Variants in ARL15 observed in about 807,000 individuals in gnomAD.
ARL15 encodes the protein ADP-ribosylation factor-like protein 15.
ARL15 carries 19 observed loss-of-function variants against 25.2 expected under a neutral mutation model. That is an observed-to-expected ratio of 0.75 (90% CI 0.53 to 1.10). The LOEUF (loss-of-function observed/expected upper bound fraction) is 1.10. Among genes scored for constraint, ARL15 ranks in the 50% least tolerant of loss-of-function variants. The pLI is 0.00. For synonymous variants in ARL15, 94 were observed against 86.8 expected, an observed-to-expected ratio of 1.08 and a Z score of -0.46; for missense variants, 220 against 246.0, an observed-to-expected ratio of 0.89 and a Z score of 0.71.
intron 1 of ARL15, among the ~76,000 whole-genome samples, chr5:54,236,586 A>G (rs572227921): frequency 6.6e-6 from 1 of 152,318 alleles, no homozygotes; most frequent in South Asian, 2.1e-4. Context: ...CTTCAAGTCA[A>G]CAACTTAGGT....
chr5:53,966,543 C>A (rs1353613660), intron 4 of ARL15, among the ~76,000 whole-genome samples: 2 of 152,164 alleles, frequency 1.3e-5, no homozygotes, highest in Non-Finnish European at 2.9e-5. Flanking sequence ...AACTGGTGTG[C>A]TGTTGGGACA....
At chr5:54,079,425 C>T (rs1751718612) in intron 4 of ARL15, among the ~76,000 whole-genome samples, 1 of 152,126 alleles carries the variant, frequency 6.6e-6, no homozygotes. Context: ...AATTCCATTG[C>T]CTTCTTTTCA....
At chr5:54,121,215 G>A (rs755079289) in intron 3 of ARL15, among the ~76,000 whole-genome samples, 19 of 152,254 alleles carry the variant, frequency 1.2e-4, no homozygotes, top group Non-Finnish European at 2.9e-5. Context: ...AAAATTGTAA[G>A]AGAATTATGC....
At chr5:54,150,120 G>A (rs2112336401) in intron 3 of ARL15, among the ~76,000 whole-genome samples, 1 of 152,276 alleles carries the variant, frequency 6.6e-6, no homozygotes, top group East Asian at 1.9e-4. Flanking sequence ...GGTTTATGCA[G>A]GAACAGTGCT....
chr5:54,113,232 T>C lies in ARL15; in HGVS notation c.432A>G (p.Gln144=), dbSNP rs2112218051. The change falls in exon 4 of 5, where the codon CAA becomes CAG. Residue 144 remains glutamine, a synonymous_variant. Transcript: ENST00000504924. ...GTACTGAGCGAGCTGCTGGCTTGTC[T>C]TGATGATTGGCCAATATTAAAAAGG... is the stretch of plus-strand genomic sequence containing the variant. ...TLPFLILANH[Q]DKPAARSVQE... is the part of the protein sequence containing the mutation. The C allele has an allele frequency of 6.2e-7, 1 of 1,613,796 alleles. No individual in the cohort carries two copies. Among genetic ancestry groups the C allele is most frequent in the East Asian group, 2.2e-5 (1 of 44,866 alleles).
chr5:54,066,924 TGGGTA>T (rs1260896026), intron 4 of ARL15, among the ~76,000 whole-genome samples: 2 of 152,206 alleles, frequency 1.3e-5, no homozygotes, highest in African/African-American at 4.8e-5. Context: ...GGGTAGGTGC[TGGGTA>T]ATACAAGAGG....
chr5:53,932,837 C>T (rs368036988), intron 4 of ARL15, among the ~76,000 whole-genome samples: 68 of 152,224 alleles, frequency 4.5e-4, no homozygotes, highest in East Asian at 2.3e-3. Context: ...TCCTCAAAGA[C>T]GAAGGAGCTC....
intron 4 of ARL15, among the ~76,000 whole-genome samples, chr5:53,950,544 T>G (rs1746910380): frequency 6.6e-6 from 1 of 152,178 alleles, no homozygotes; most frequent in African/African-American, 2.4e-5. Flanking sequence ...ACTTCTCCAT[T>G]TGAGGGTAAT....
chr5:54,179,337 G>C (rs1754979344), intron 1 of ARL15, among the ~76,000 whole-genome samples: 1 of 152,130 alleles, frequency 6.6e-6, no homozygotes, highest in Non-Finnish European at 1.5e-5. Context: ...CATCAGAAGT[G>C]GGGTGTTCTG....
chr5:53,959,719 CA>C (rs1747298885), intron 4 of ARL15, among the ~76,000 whole-genome samples: 1 of 152,038 alleles, frequency 6.6e-6, no homozygotes, highest in South Asian at 2.1e-4. Context: ...GATCATTTGT[CA>C]CCTTCTCAGT....
chr5:54,127,442 C>G (rs1390709311), intron 3 of ARL15, among the ~76,000 whole-genome samples: 1 of 151,548 alleles, frequency 6.6e-6, no homozygotes, highest in South Asian at 2.1e-4. Flanking sequence ...AATAAAATAC[C>G]TAGGAATCCA....
At chr5:54,293,915 G>T (rs1040313286) in intron 1 of ARL15, among the ~76,000 whole-genome samples, 4 of 151,910 alleles carry the variant, frequency 2.6e-5, no homozygotes, top group South Asian at 2.1e-4. Context: ...TGCAACCTCC[G>T]CCTCCTGGGT....
intron 1 of ARL15, among the ~76,000 whole-genome samples, chr5:54,309,563 A>G (rs1758844223): frequency 6.6e-6 from 1 of 152,232 alleles, no homozygotes; most frequent in Admixed American, 6.5e-5. Context: ...GTTCTGCCCA[A>G]CATGGTAAAC....
chr5:54,171,416 G>A (rs1356299164), intron 2 of ARL15, among the ~76,000 whole-genome samples: 1 of 152,130 alleles, frequency 6.6e-6, no homozygotes, highest in Non-Finnish European at 1.5e-5. Flanking sequence ...ACTATTCAGG[G>A]AGTGTGTGGC....
intron 4 of ARL15, among the ~76,000 whole-genome samples, chr5:54,106,987 C>T (rs974829807): frequency 6.6e-6 from 1 of 152,002 alleles, no homozygotes; most frequent in African/African-American, 2.4e-5. Context: ...TCCATTTTTA[C>T]ACTGATGATA....
At chr5:54,162,223 A>G (rs535960722) in intron 2 of ARL15, among the ~76,000 whole-genome samples, 13 of 152,056 alleles carry the variant, frequency 8.5e-5, no homozygotes, top group Non-Finnish European at 1.8e-4. Flanking sequence ...TTTCTACAAC[A>G]TCTTGCCCTC....
At chr5:54,155,767 C>T (rs1462035973) in intron 2 of ARL15, among the ~76,000 whole-genome samples, 3 of 151,836 alleles carry the variant, frequency 2.0e-5, no homozygotes, top group African/African-American at 2.4e-5. Flanking sequence ...GAAACCAGAG[C>T]TAATGACTCT....
intron 3 of ARL15, among the ~76,000 whole-genome samples, chr5:54,143,476 T>C (rs1207301802): frequency 6.6e-6 from 1 of 152,048 alleles, no homozygotes; most frequent in Non-Finnish European, 1.5e-5. Flanking sequence ...TCTTTTTTTG[T>C]AGAAGTGTCT....
chr5:54,157,575 C>T (rs1332951526), intron 2 of ARL15, among the ~76,000 whole-genome samples: 1 of 152,048 alleles, frequency 6.6e-6, no homozygotes, highest in African/African-American at 2.4e-5. Flanking sequence ...CCACGCCCAG[C>T]TAATGTTTTG....
Sources: allele counts gnomAD v4.1 joint callset (sites outside exome capture counted in the v4.1 genomes callset), GRCh38; gene constraint gnomAD v4.1.1; transcripts MANE v1.5; gene names NCBI Gene and HGNC (gene_info 2026-07-23, HGNC 2026-07-21).